The following RELN variants were observed in gnomAD, a reference collection of about 807,000 sequenced individuals.
RELN encodes the protein reelin.
A neutral mutation model predicts 427.6 loss-of-function variants in RELN; 108 were observed. That is an observed-to-expected ratio of 0.25 (90% CI 0.22 to 0.30). The LOEUF (loss-of-function observed/expected upper bound fraction) is 0.30, where lower values mean the gene tolerates loss of function less well. RELN is among the 10% of genes least tolerant of loss of function. The probability of loss-of-function intolerance (pLI) is 1.00; values close to 1 mark genes in which losing one functional copy is unlikely to be tolerated. For missense variants in RELN, 3,715 were observed against 4,302.8 expected (o/e 0.86, Z 3.82); for synonymous variants, 1,524 against 1,513.4 (o/e 1.01, Z -0.16).
intron 20 of RELN, among the ~76,000 whole-genome samples, chr7:103,614,636 C>T (rs965783572): frequency 6.6e-6 from 1 of 152,072 alleles, no homozygotes; most frequent in African/African-American, 2.4e-5. Flanking sequence ...GCTCACAAGC[C>T]CAGGACTGCC....
rs545893765 is a variant in RELN at position 103,645,222 on chromosome 7, G to A, written c.2003-4613C>T. Among the ~76,000 whole-genome samples, 14 of 151,736 alleles carry A rather than the reference G, an allele frequency of 9.2e-5. No individual in the cohort carries two copies. The South Asian group carries it at 2.1e-3, about 22-fold the overall frequency. On this transcript the variant is annotated intron_variant, in intron 16 of 64. Coordinates refer to ENST00000428762, the MANE Select transcript of RELN (RefSeq NM_005045.4). ...TCTTATAAAACATTTACACTAATGA[G>A]ACTGCAAAGCAACAAGATAACAACT...
rs1477897476 is a variant in RELN, at chr7:103,554,258, C to T, written c.5798-427G>A. ...TGGGGGAAAAAAAAAACATAAAGTA[C>T]TTGTCAGTACTTTGTATATTGTCAG... On this transcript the variant is annotated intron_variant, in intron 38 of 64. Coordinates refer to ENST00000428762, the MANE Select transcript of RELN (RefSeq NM_005045.4). 2.0e-5 allele frequency among the ~76,000 whole-genome samples: 3 copies of T among 151,526 alleles called. No homozygotes were observed. In the East Asian group the frequency reaches 5.8e-4, roughly 29 times the overall value.
chr7:103,629,312 T>C (rs1361830330), intron 20 of RELN, among the ~76,000 whole-genome samples: 2 of 152,188 alleles, frequency 1.3e-5, no homozygotes, highest in South Asian at 2.1e-4. Flanking sequence ...AATTCGCATA[T>C]GACCACAGGA....
rs1828897263 is a variant in RELN, at chr7:103,498,126, A to G, written c.8794T>C (p.Ser2932Pro). ...AEDTALYFGG[S>P]TVRQAVTQDL... Reference sequence around the variant, plus strand: ...TGTGTAACCGCTTGTCTCACAGTGGATCCCCCAAAATAGAGTGCAGTGTCC... The same window carrying G: ...TGTGTAACCGCTTGTCTCACAGTGGGTCCCCCAAAATAGAGTGCAGTGTCC... The change falls in exon 54 of 65, where the codon TCC (serine) becomes CCC (proline). Residue 2932 changes from serine to proline, a missense_variant. Coordinates refer to ENST00000428762, the MANE Select transcript of RELN (RefSeq NM_005045.4). 1.2e-6 allele frequency: 2 copies of G among 1,614,028 alleles called. No homozygotes were observed. Among genetic ancestry groups the G allele is most frequent in the African/African-American group, 2.7e-5 (2 of 74,924 alleles).
chr7:103,715,277 C>A (rs1329588674), intron 8 of RELN, among the ~76,000 whole-genome samples: 1 of 152,128 alleles, frequency 6.6e-6, no homozygotes, highest in East Asian at 1.9e-4. Flanking sequence ...CAATAAAAAT[C>A]TTCAAAAATA....
intron 11 of RELN, among the ~76,000 whole-genome samples, chr7:103,662,791 G>A (rs1833173577): frequency 6.6e-6 from 1 of 152,096 alleles, no homozygotes; most frequent in East Asian, 1.9e-4. Context: ...ACTCTATTTA[G>A]TAGACACTCA....
chr7:103,959,414 A>T (rs2116785430), intron 1 of RELN, among the ~76,000 whole-genome samples: 1 of 152,274 alleles, frequency 6.6e-6, no homozygotes. Context: ...AGACTTTTCA[A>T]CACCTGCCTA....
chr7:103,758,999 A>G (rs1325315658), intron 4 of RELN, among the ~76,000 whole-genome samples: 2 of 152,094 alleles, frequency 1.3e-5, no homozygotes, highest in Non-Finnish European at 1.5e-5. Flanking sequence ...AAGATTTCAC[A>G]GACTACGCAA....
intron 12 of RELN, among the ~76,000 whole-genome samples, chr7:103,660,445 T>G (rs909057206): frequency 1.3e-5 from 2 of 152,174 alleles, no homozygotes. Flanking sequence ...TTATGGAAAA[T>G]GAGTTAGCAT....
At chr7:103,960,982 C>T (rs1422153617) in intron 1 of RELN, among the ~76,000 whole-genome samples, 3 of 152,200 alleles carry the variant, frequency 2.0e-5, no homozygotes, top group Non-Finnish European at 4.4e-5. Context: ...TATGTGTGCA[C>T]ACAAGAGGGA....
intron 11 of RELN, among the ~76,000 whole-genome samples, chr7:103,666,896 A>G (rs932520649): frequency 9.9e-5 from 15 of 152,104 alleles, no homozygotes; most frequent in Admixed American, 9.8e-4. Flanking sequence ...TCCCGTATTT[A>G]TACAAGAGTA....
rs776632950 is a variant in RELN at position 103,767,648 on chromosome 7, GTTCCT to G, written c.544+8904_544+8908del. On this transcript the variant is annotated intron_variant, in intron 4 of 64. Transcript: ENST00000428762. ...CTGCAAAAAAAACTGATTTCTCCTA[GTTCCT>G]TTCAAGTTTTTAGTCTATTCTGATA... 4.6e-5 allele frequency among the ~76,000 whole-genome samples: 7 copies of G among 152,102 alleles called. No individual in the cohort carries two copies. In the East Asian group the frequency reaches 7.7e-4, roughly 17 times the overall value.
In RELN at chr7:103,620,800, C is replaced by T. The variant is rs1832201465; in HGVS notation, c.2703-8997G>A. Among the ~76,000 whole-genome samples, 1 of 152,212 alleles carries T rather than the reference C, an allele frequency of 6.6e-6. No individual in the cohort carries two copies. Among genetic ancestry groups the T allele is most frequent in the Admixed American group, 6.5e-5 (1 of 15,284 alleles). ...AACCTGATCCACATTTATACCACTT[C>T]TCATTAGGATTTGCCCTTTCAACAC... is the stretch of plus-strand genomic sequence containing the variant. On this transcript the variant is annotated intron_variant, in intron 20 of 64. Coordinates refer to ENST00000428762, the MANE Select transcript of RELN (RefSeq NM_005045.4). This position sits in a 1 kb window ranked among gnomAD's most constrained non-coding sequence, Gnocchi z 4.1.
chr7:103,502,291 A>C (rs934629290), intron 52 of RELN, among the ~76,000 whole-genome samples: 2 of 152,240 alleles, frequency 1.3e-5, no homozygotes, highest in African/African-American at 4.8e-5. Context: ...TATCTATGGG[A>C]CACTGGGAAC....
chr7:103,540,087 G>C, intron 44 of RELN, 110 bp downstream of exon 44: 3 of 1,244,562 alleles, frequency 2.4e-6, no homozygotes, highest in Non-Finnish European at 3.5e-6. Flanking sequence ...TCACTCAACT[G>C]TCAGTTCTGG....
chr7:103,652,147 G>A (rs150784049), intron 14 of RELN, among the ~76,000 whole-genome samples: 1 of 151,872 alleles, frequency 6.6e-6, no homozygotes, highest in African/African-American at 2.4e-5. Flanking sequence ...GCAACACTTG[G>A]GCAAGTGAAA....
At chr7:103,501,928 A>AGT (rs151297237) in intron 52 of RELN, among the ~76,000 whole-genome samples, 3,230 of 152,282 alleles carry the variant, frequency 0.021, 107 homozygotes, top group African/African-American at 0.074. Context: ...ACTGGACGTA[A>AGT]GTACGGAAGC....
At chr7:103,492,454 C>T (rs1211660930) in intron 57 of RELN, among the ~76,000 whole-genome samples, 1 of 152,032 alleles carries the variant, frequency 6.6e-6, no homozygotes. Context: ...ACTTAATATT[C>T]GTTCTTGGGG....
intron 2 of RELN, 75 bp from the exon 3 acceptor site, chr7:103,833,747 C>T: frequency 7.0e-7 from 1 of 1,432,468 alleles, no homozygotes; most frequent in Non-Finnish European, 9.7e-7. Flanking sequence ...ACAGTATTTT[C>T]TGAATATTTT....
Sources: gnomAD v4.1 joint callset for allele counts (sites outside exome capture counted in the v4.1 genomes callset) on GRCh38, gnomAD v4.1.1 for gene constraint, Gnocchi (gnomAD v3.1) non-coding constraint, MANE v1.5 for transcripts, NCBI Gene and HGNC (gene_info 2026-07-23, HGNC 2026-07-21) for gene names.